The following OPLAH variants were observed in gnomAD, a reference collection of about 807,000 sequenced individuals.
The protein encoded by OPLAH is 5-oxoprolinase.
In OPLAH, 103 loss-of-function variants were observed where a neutral mutation model predicts 122.8. That is an observed-to-expected ratio of 0.84 (90% CI 0.71 to 0.99). OPLAH has a LOEUF of 0.99. OPLAH is among the 50% of genes least tolerant of loss of function. The probability of loss-of-function intolerance (pLI) is 0.00; values close to 1 mark genes in which losing one functional copy is unlikely to be tolerated. For synonymous variants in OPLAH, 875 were observed against 796.0 expected, an observed-to-expected ratio of 1.10 and a Z score of -1.67; for missense variants, 1,902 against 1,836.5, an observed-to-expected ratio of 1.04 and a Z score of -0.65.
chr8:144,053,445 C>CGGGG (rs1835438827), intron 19 of OPLAH, 52 bp from the exon 20 acceptor site: 1 of 1,527,648 alleles, frequency 6.5e-7, no homozygotes, highest in Middle Eastern at 2.2e-4. Flanking sequence ...TCTGCACCCC[C>CGGGG]AACCCAGGTT....
chr8:144,052,050 T>G lies in OPLAH; in HGVS notation c.3488A>C (p.Glu1163Ala). 4 of 1,586,972 alleles carry G rather than the reference T, an allele frequency of 2.5e-6. No homozygotes were observed. The highest frequency in any genetic ancestry group is 3.4e-6 in the Non-Finnish European group (4 of 1,174,870). ...SRYPVILRRF[E>A]LRRGSGGRGR... is the part of the protein sequence containing the mutation. ...TCTGCCCCCCGAGCCCCGCCGCAGC[T>G]CGAAGCGGCGCAGGATGACCGGGTA... is the stretch of plus-strand genomic sequence containing the variant. The change falls in exon 25 of 27, where the codon GAG becomes GCG. Residue 1163 changes from glutamate (E) to alanine (A), a missense_variant. Physicochemically the swap from Glu to Ala is moderately radical, Grantham distance 107. This residue lies in a region of OPLAH where 1,726 missense variants were observed against 1,642.1 expected (regional missense o/e 1.05). Coordinates refer to ENST00000618853, the MANE Select transcript of OPLAH (RefSeq NM_017570.5).
rs1835586772 is a variant in OPLAH, at chr8:144,058,537, A to G, written c.742T>C (p.Tyr248His). The change falls in exon 6 of 27, where the codon TAC becomes CAC. Residue 248 changes from tyrosine (Y) to histidine (H), a missense_variant. By Grantham distance (83) the Tyr-to-His change is moderately conservative. Coordinates refer to ENST00000618853, the MANE Select transcript of OPLAH (RefSeq NM_017570.5). ...AAGCCACGGCAGAAGCCCTGCACGTAGCGCTGGATGGCGGGCGTGAGGTAG... is the reference window on the plus strand; with the variant it reads ...AAGCCACGGCAGAAGCCCTGCACGTGGCGCTGGATGGCGGGCGTGAGGTAG... ...DAYLTPAIQRYVQGFCRGFQG... is the reference protein window; with the variant it reads ...DAYLTPAIQRHVQGFCRGFQG... 6.3e-7 allele frequency: 1 copy of G among 1,597,548 alleles called. No individual in the cohort carries two copies. Among genetic ancestry groups the G allele is most frequent in the Non-Finnish European group, 8.5e-7 (1 of 1,177,164 alleles).
Position 144,058,379 on chromosome 8 carries a change from G to A in OPLAH, c.809C>T (p.Ser270Phe). The A allele has an allele frequency of 1.1e-5, 18 of 1,593,136 alleles. No homozygotes were observed. Among genetic ancestry groups the A allele is most frequent in the Non-Finnish European group, 1.5e-5 (18 of 1,174,122 alleles). Reference sequence around the variant, plus strand: ...GTCCATGGGCGCCAGGCCGCCATCGGAGCGCATGAACAACACCTGCACATC... The same window carrying A: ...GTCCATGGGCGCCAGGCCGCCATCGAAGCGCATGAACAACACCTGCACATC... ...LKDVQVLFMR[S>F]DGGLAPMDTF... Residue 270 changes from serine to phenylalanine, a missense_variant, in exon 7 of 27, where the codon TCC becomes TTC. Around this residue, in one of 3 missense-constraint regions of OPLAH, gnomAD observed 1,726 missense variants for 1,642.1 expected, o/e 1.05. Coordinates refer to ENST00000618853, the MANE Select transcript of OPLAH (RefSeq NM_017570.5).
At chr8:144,062,923 C>A (rs1835687116), upstream of OPLAH, among the ~76,000 whole-genome samples, 1 of 151,788 alleles carries the variant, frequency 6.6e-6, no homozygotes, top group Non-Finnish European at 1.5e-5. Flanking sequence ...CTCTCCTGAC[C>A]CCACTCCACT....
At chr8:144,054,401 C>T (rs1554758415) in intron 19 of OPLAH, among the ~76,000 whole-genome samples, 160 bp downstream of exon 19, 3 of 152,166 alleles carry the variant, frequency 2.0e-5, no homozygotes, top group African/African-American at 7.2e-5. Flanking sequence ...TCCCGGGATC[C>T]GATCTGCAGC....
rs782533601 is a variant in OPLAH at position 144,059,013 on chromosome 8, G to A, written c.430C>T (p.Arg144Cys). Residue 144 changes from arginine to cysteine, a missense_variant, in exon 4 of 27, where the codon CGT (arginine) becomes TGT (cysteine). By Grantham distance (180) the Arg-to-Cys change is radical. Transcript: ENST00000618853. ...GGCGTCCCGGTGCCCGCCTCTCCACGGTGCAGCACCACGCGTTCGTCCACC... is the reference window on the plus strand; with the variant it reads ...GGCGTCCCGGTGCCCGCCTCTCCACAGTGCAGCACCACGCGTTCGTCCACC... ...LEVDERVVLH[R>C]GEAGTGTPVK... 3.4e-5 allele frequency: 54 copies of A among 1,584,132 alleles called. No homozygotes were observed. The highest frequency in any genetic ancestry group is 2.9e-4 in the Admixed American group (16 of 56,118).
Position 144,054,824 on chromosome 8 carries a change from A to T in OPLAH, c.2499T>A (p.Thr833=). 1 of 1,612,272 alleles carries T rather than the reference A, an allele frequency of 6.2e-7. No individual in the cohort carries two copies. The highest frequency in any genetic ancestry group is 8.5e-7 in the Non-Finnish European group (1 of 1,179,804). The part of the protein sequence containing the change: ...SAGGSHLPDL[T]VITPVFWPGQ... ...CAGCACCCCTCACCGGTGTGATAACAGTCAGGTCTGGCAGGTGGCTGCCCC... is the reference window on the plus strand; with the variant it reads ...CAGCACCCCTCACCGGTGTGATAACTGTCAGGTCTGGCAGGTGGCTGCCCC... The change falls in exon 18 of 27, where the codon ACT becomes ACA. Residue 833 remains threonine, a synonymous_variant. Coordinates refer to ENST00000618853, the MANE Select transcript of OPLAH (RefSeq NM_017570.5).
In OPLAH at chr8:144,058,418, G is replaced by A; in HGVS notation, c.784-14C>T. ...CACCTGCACATCCTGCGAGCGGGCA[G>A]CAGGCGGGCCATGAGGGGCAGGCCA... On this transcript the variant is annotated splice_polypyrimidine_tract_variant and intron_variant, in intron 6 of 26. Transcript: ENST00000618853. The A allele has an allele frequency of 6.3e-7, 1 of 1,587,586 alleles. No individual in the cohort carries two copies. The highest frequency in any genetic ancestry group is 8.5e-7 in the Non-Finnish European group (1 of 1,171,262).
rs782356199 is a variant in OPLAH at position 144,057,006 on chromosome 8, T to G, written c.1648A>C (p.Arg550=). The G allele has an allele frequency of 1.3e-6, 2 of 1,593,548 alleles. No individual in the cohort carries two copies. The highest frequency in any genetic ancestry group is 1.1e-5 in the South Asian group (1 of 87,656). ...CACTGCTCCTCCAGGCGGCTCAGCCTCTGGTCCAGCTGCACGAAGGTCTCA... is the reference window on the plus strand; with the variant it reads ...CACTGCTCCTCCAGGCGGCTCAGCCGCTGGTCCAGCTGCACGAAGGTCTCA... ...APETFVQLDQ[R]LSRLEEQCVD... is the part of the protein sequence containing the mutation. The change falls in exon 12 of 27, where the codon AGG becomes CGG. Residue 550 remains arginine, a synonymous_variant. Transcript: ENST00000618853.
chr8:144,059,105 AGGCCCAG>A (rs1835606020), intron 3 of OPLAH, 26 bp from the exon 4 acceptor site: 2 of 1,535,460 alleles, frequency 1.3e-6, no homozygotes, highest in Admixed American at 3.9e-5. Flanking sequence ...GACTCAGAAG[AGGCCCAG>A]GCCTGAGGGT....
At chr8:144,054,944 A>T in intron 17 of OPLAH, 31 bp from the exon 18 acceptor site, 8 of 1,146,094 alleles carry the variant, frequency 7.0e-6, no homozygotes, top group Non-Finnish European at 9.3e-6. Context: ...CAGAGTGGGC[A>T]CAGGGGAGCA....
Position 144,051,482 on chromosome 8 carries a change from C to CT in OPLAH, c.3721-11_3721-10insA. 1 of 278,384 alleles carries CT rather than the reference C, an allele frequency of 3.6e-6. No individual in the cohort carries two copies. 17.2% of individuals were successfully genotyped at this position (278,384 alleles called of 1,614,324 possible). A position where few individuals can be genotyped will look rare whatever the true frequency, so the allele number is the denominator to read the frequency against. ...GGAGACAGAACACATCCTGTTGGCG[C>CT]GGGGGGGGGCGGGGAGGCGGGCTCA... On this transcript the variant is annotated splice_polypyrimidine_tract_variant and intron_variant, in intron 26 of 26. Transcript: ENST00000618853.
intron 23 of OPLAH, 24 bp from the exon 24 acceptor site, chr8:144,052,350 C>A: frequency 4.6e-6 from 7 of 1,511,756 alleles, no homozygotes; most frequent in Non-Finnish European, 6.2e-6. Context: ...CTGGTCGCTG[C>A]GCTGGGCTGG....
At position 144,055,678 on chromosome 8, in the gene OPLAH, C is replaced by T. The variant is rs1340543948; in HGVS notation, c.2248+110G>A. On this transcript the variant is annotated intron_variant, in intron 16 of 26. Transcript: ENST00000618853. This position sits in a 1 kb window ranked among gnomAD's most constrained non-coding sequence, Gnocchi z 6.5. ...AGTGCTGCGGCCACACTGCCCGCCC[C>T]GTCGCCAGGGGGTCCTGCTTCTGCC... The T allele has an allele frequency of 3.5e-5, 47 of 1,330,202 alleles. No individual in the cohort carries two copies. The highest frequency in any genetic ancestry group is 4.5e-5 in the Non-Finnish European group (46 of 1,016,748). 82.4% of individuals were successfully genotyped at this position (1,330,202 alleles called of 1,614,324 possible). A position where few individuals can be genotyped will look rare whatever the true frequency, so the allele number is the denominator to read the frequency against.
intron 19 of OPLAH, 47 bp from the exon 20 acceptor site, chr8:144,053,440 A>T: frequency 6.5e-7 from 1 of 1,535,732 alleles, no homozygotes. Flanking sequence ...CCCTGTCTGC[A>T]CCCCCAACCC....
At position 144,051,626 on chromosome 8, in the gene OPLAH, A is replaced by T; in HGVS notation, c.3720+103T>A. The T allele has an allele frequency of 2.5e-6, 3 of 1,198,222 alleles. No homozygotes were observed. In the South Asian group the frequency reaches 4.3e-5, roughly 17 times the overall value. 74.2% of individuals were successfully genotyped at this position (1,198,222 alleles called of 1,614,324 possible). A position where few individuals can be genotyped will look rare whatever the true frequency, so the allele number is the denominator to read the frequency against. Reference sequence around the variant, plus strand: ...GCGCCCCCTTTCCTTCCGGGGCCAAATTAAACTCGGCCTCTGGTCAGGTCT... The same window carrying T: ...GCGCCCCCTTTCCTTCCGGGGCCAATTTAAACTCGGCCTCTGGTCAGGTCT... On this transcript the variant is annotated intron_variant, in intron 26 of 26. Coordinates refer to ENST00000618853, the MANE Select transcript of OPLAH (RefSeq NM_017570.5).
Position 144,058,324 on chromosome 8 carries a change from C to A in OPLAH, c.864G>T (p.Ser288=). The change falls in exon 7 of 27, where the codon TCG becomes TCT. Residue 288 remains serine (S), a synonymous_variant. Transcript: ENST00000618853. ...AGCCCACCACGCCGCCGGCCGGGCC[C>A]GAGAGCACAGCACTGGAGCCGCTGA... ...DTFSGSSAVL[S]GPAGGVVGYS... is the part of the protein sequence containing the mutation. 2 of 1,601,364 alleles carry A rather than the reference C, an allele frequency of 1.2e-6. No homozygotes were observed. The highest frequency in any genetic ancestry group is 1.1e-5 in the South Asian group (1 of 90,126).
At chr8:144,054,524 G>A in intron 19 of OPLAH, 37 bp downstream of exon 19, 1 of 1,535,588 alleles carries the variant, frequency 6.5e-7, no homozygotes, top group Non-Finnish European at 8.8e-7. Flanking sequence ...ATGTGTCCCA[G>A]CCTACAGAAG....
Position 144,059,849 on chromosome 8 carries a change from C to T in OPLAH, c.171+13G>A, listed in dbSNP as rs1266382044. On this transcript the variant is annotated intron_variant, in intron 2 of 26. Transcript: ENST00000618853. Reference sequence around the variant, plus strand: ...CCGTGGGGTCCCTGTCCACCCGCTCCGCCCTGGCCCACCTGCTCCAGGATG... The same window carrying T: ...CCGTGGGGTCCCTGTCCACCCGCTCTGCCCTGGCCCACCTGCTCCAGGATG... 6.2e-6 allele frequency: 10 copies of T among 1,612,304 alleles called. No individual in the cohort carries two copies. The highest frequency in any genetic ancestry group is 5.3e-5 in the African/African-American group (4 of 74,946).
Sources: allele counts gnomAD v4.1 joint callset (sites outside exome capture counted in the v4.1 genomes callset), GRCh38; gene constraint gnomAD v4.1.1; regional missense constraint gnomAD v4.1.1; non-coding constraint Gnocchi (gnomAD v3.1); transcripts MANE v1.5; gene names NCBI Gene and HGNC (gene_info 2026-07-23, HGNC 2026-07-21).